Variants in IL5RA observed in about 807,000 individuals in gnomAD.
The protein encoded by IL5RA is interleukin-5 receptor subunit alpha.
A neutral mutation model predicts 50.0 loss-of-function variants in IL5RA; 49 were observed. The ratio of observed to expected loss-of-function variants is 0.98; its 90% CI spans 0.78 to 1.24. IL5RA has a LOEUF of 1.24. IL5RA is among the 50% of genes most tolerant of loss of function. The pLI is 0.00. For synonymous variants in IL5RA, 202 were observed against 174.0 expected, an observed-to-expected ratio of 1.16 and a Z score of -1.26; for missense variants, 600 against 500.4, an observed-to-expected ratio of 1.20 and a Z score of -1.90.
At chr3:3,090,177 T>C in intron 9 of IL5RA, 1 of 1,602,872 alleles carries the variant, frequency 6.2e-7, no homozygotes, top group Admixed American at 1.7e-5. Flanking sequence ...ACATGTAATC[T>C]GCTATCCCTG....
Position 3,092,425 on chromosome 3 carries a change from C to T in IL5RA, c.856-63G>A, listed in dbSNP as rs1449707567. On this transcript the variant is annotated intron_variant, in intron 8 of 11. Transcript: ENST00000446632. This position sits in a 1 kb window ranked among gnomAD's most constrained non-coding sequence, Gnocchi z 4.2. ...CACCTAATTTAGTTCTGCCGATTAT[C>T]AGAATGGGAGGTCCTATATAGGTCA... The T allele has an allele frequency of 1.4e-5, 21 of 1,500,500 alleles. No individual in the cohort carries two copies. Among genetic ancestry groups the T allele is most frequent in the Non-Finnish European group, 1.9e-5 (21 of 1,092,064 alleles). 92.9% of individuals were successfully genotyped at this position (1,500,500 alleles called of 1,614,324 possible).
chr3:3,104,610 T>G (rs1703814885), intron 3 of IL5RA, among the ~76,000 whole-genome samples: 1 of 152,116 alleles, frequency 6.6e-6, no homozygotes, highest in Non-Finnish European at 1.5e-5. Context: ...ACTACTCCCT[T>G]GTGTGAGAAG....
In IL5RA at chr3:3,101,707, G is replaced by A. The variant is rs745503719; in HGVS notation, c.352C>T (p.Leu118Phe). Residue 118 changes from leucine to phenylalanine, a missense_variant, in exon 5 of 12, where the codon CTT becomes TTT. Leu to Phe is a conservative substitution (Grantham distance 22). Coordinates refer to ENST00000446632, the MANE Select transcript of IL5RA (RefSeq NM_175726.4). ...LLASSWASAE[L>F]HAPPGSPGTS... is the part of the protein sequence containing the mutation. ...CCTGCTTTACCTGGTGGGGCATGAAGTTCAGCAGAAGCCCAGCTGCTGGCC... is the reference window on the plus strand; with the variant it reads ...CCTGCTTTACCTGGTGGGGCATGAAATTCAGCAGAAGCCCAGCTGCTGGCC... 38 of 1,613,962 alleles carry A rather than the reference G, an allele frequency of 2.4e-5. No homozygotes were observed. The highest frequency in any genetic ancestry group is 3.2e-5 in the Non-Finnish European group (38 of 1,180,004).
intron 11 of IL5RA, 82 bp downstream of exon 11, chr3:3,074,700 A>G: frequency 1.3e-6 from 1 of 762,498 alleles, no homozygotes; most frequent in Admixed American, 2.5e-5. Flanking sequence ...CTTATAATAT[A>G]GAAAACTAAG....
chr3:3,090,318 T>G, intron 9 of IL5RA: 1 of 1,205,966 alleles, frequency 8.3e-7, no homozygotes, highest in East Asian at 2.3e-5. Context: ...AAAGGCTGAA[T>G]GTTAAACCTG....
intron 10 of IL5RA, among the ~76,000 whole-genome samples, chr3:3,075,721 C>T (rs1055749163): frequency 3.9e-5 from 6 of 151,970 alleles, no homozygotes; most frequent in Non-Finnish European, 5.9e-5. Flanking sequence ...CTGCCTCAGC[C>T]TTCCAAGTAG....
intron 8 of IL5RA, among the ~76,000 whole-genome samples, chr3:3,094,885 G>A (rs1413784953): frequency 1.3e-5 from 2 of 152,008 alleles, no homozygotes; most frequent in Non-Finnish European, 2.9e-5. Flanking sequence ...GCGCCATCAC[G>A]TTGGCTGATT....
chr3:3,079,817 T>C (rs1702603668), intron 9 of IL5RA, among the ~76,000 whole-genome samples: 1 of 152,170 alleles, frequency 6.6e-6, no homozygotes, highest in Admixed American at 6.5e-5. Context: ...GCAGATCACT[T>C]GAGGTCAGGC....
chr3:3,076,721 C>G (rs1702498727), intron 9 of IL5RA, 94 bp from the exon 10 acceptor site: 1 of 747,534 alleles, frequency 1.3e-6, no homozygotes, highest in Non-Finnish European at 2.2e-6. Flanking sequence ...TCAGACAGCT[C>G]AGGTTTGAGT....
At chr3:3,090,622 A>G (rs1028929598) in intron 9 of IL5RA, among the ~76,000 whole-genome samples, 14 of 133,712 alleles carry the variant, frequency 1.0e-4, no homozygotes, top group East Asian at 4.3e-4. Context: ...GCTGGAGTGC[A>G]GTGGTGCGAT....
At chr3:3,074,917 C>T (rs775121663) in intron 10 of IL5RA, 51 bp from the exon 11 acceptor site, 1 of 1,072,196 alleles carries the variant, frequency 9.3e-7, no homozygotes, top group African/African-American at 1.6e-5. Flanking sequence ...TACCTTTTGT[C>T]TCTAAATATC....
At chr3:3,089,210 T>C (rs1006955388) in intron 9 of IL5RA, among the ~76,000 whole-genome samples, 4 of 152,196 alleles carry the variant, frequency 2.6e-5, no homozygotes, top group South Asian at 2.1e-4. Context: ...ATGCTGCTCC[T>C]GTAAGTCTCT....
chr3:3,077,643 C>T (rs1449348462), intron 9 of IL5RA, among the ~76,000 whole-genome samples: 2 of 152,082 alleles, frequency 1.3e-5, no homozygotes, highest in African/African-American at 2.4e-5. Flanking sequence ...GTGGCAGGCA[C>T]CTGTAATCTC....
At chr3:3,084,406 G>A (rs1702779399) in intron 9 of IL5RA, among the ~76,000 whole-genome samples, 1 of 152,180 alleles carries the variant, frequency 6.6e-6, no homozygotes, top group African/African-American at 2.4e-5. Context: ...TAGATACTGA[G>A]GAACAGAAAA....
intron 9 of IL5RA, among the ~76,000 whole-genome samples, chr3:3,078,789 C>G (rs970182796): frequency 5.3e-5 from 8 of 151,230 alleles, no homozygotes; most frequent in African/African-American, 9.8e-5. Flanking sequence ...AGCTGAGATC[C>G]CGCCACTGCA....
intron 10 of IL5RA, among the ~76,000 whole-genome samples, chr3:3,076,323 G>C (rs1559861388): frequency 2.7e-5 from 1 of 36,552 alleles, no homozygotes; most frequent in Non-Finnish European, 5.9e-5. Flanking sequence ...GGGCTGCATT[G>C]TGTGCTCTGT....
At position 3,092,119 on chromosome 3, in the gene IL5RA, A is replaced by G; in HGVS notation, c.994+105T>C. The G allele has an allele frequency of 2.0e-6, 3 of 1,509,560 alleles. No individual in the cohort carries two copies. The highest frequency in any genetic ancestry group is 4.6e-5 in the Admixed American group (2 of 43,906). 93.5% of individuals were successfully genotyped at this position (1,509,560 alleles called of 1,614,324 possible). A position where few individuals can be genotyped will look rare whatever the true frequency, so the allele number is the denominator to read the frequency against. On this transcript the variant is annotated intron_variant, in intron 9 of 11. Transcript: ENST00000446632. The surrounding 1 kb of genome is among the most constrained non-coding windows in gnomAD (Gnocchi z 4.2). ...CGAGAGAAAATTAGTCACAATAGAG[A>G]TATGAAACCATTTTAAGACCCACGA...
In IL5RA at chr3:3,069,943, A is replaced by G. The variant is rs981710704; in HGVS notation, c.*282T>C. 3.6e-6 allele frequency: 1 copy of G among 274,900 alleles called. No individual in the cohort carries two copies. The highest frequency in any genetic ancestry group is 2.2e-5 in the African/African-American group (1 of 45,248). The allele number at this position is 274,900 out of a possible 1,614,324, so 17.0% of individuals were successfully genotyped here. A position where few individuals can be genotyped will look rare whatever the true frequency, so the allele number is the denominator to read the frequency against. On this transcript the variant is annotated 3_prime_UTR_variant, in exon 12 of 12. Coordinates refer to ENST00000446632, the MANE Select transcript of IL5RA (RefSeq NM_175726.4). ...GTCTGAGGTGAGTCAAGCAAATTGC[A>G]AAGATTGGCAGGTGAGGAGGTGCTA...
chr3:3,098,906 G>A (rs1703495542), intron 5 of IL5RA, among the ~76,000 whole-genome samples: 1 of 152,156 alleles, frequency 6.6e-6, no homozygotes, highest in Non-Finnish European at 1.5e-5. Flanking sequence ...TTGATGTCCG[G>A]CAACTTTGGT....
Sources: gnomAD v4.1 joint callset for allele counts (sites outside exome capture counted in the v4.1 genomes callset) on GRCh38, gnomAD v4.1.1 for gene constraint, Gnocchi (gnomAD v3.1) non-coding constraint, MANE v1.5 for transcripts, NCBI Gene and HGNC (gene_info 2026-07-23, HGNC 2026-07-21) for gene names.